PRKX: variants seen among roughly 807,000 people sequenced by gnomAD.
PRKX encodes the protein protein kinase cAMP-dependent X-linked catalytic subunit, also known as cAMP-dependent protein kinase catalytic subunit PRKX.
In PRKX, 12 loss-of-function variants were observed where a neutral mutation model predicts 22.0. The ratio of observed to expected loss-of-function variants is 0.54; its 90% CI spans 0.35 to 0.88. The LOEUF (loss-of-function observed/expected upper bound fraction) is 0.88. Ranked by LOEUF, PRKX falls within the 40% of genes least tolerant of loss-of-function variation. PRKX has a pLI of 0.01. For synonymous variants in PRKX, 134 were observed against 137.7 expected, an observed-to-expected ratio of 0.97 and a Z score of 0.19; for missense variants, 217 against 308.0, an observed-to-expected ratio of 0.70 and a Z score of 2.21.
Position 3,665,785 on chromosome X carries a change from G to A in PRKX, c.335+8813C>T, listed in dbSNP as rs372849884. Among the ~76,000 whole-genome samples the A allele has an allele frequency of 7.2e-5, 8 of 110,712 alleles. No homozygotes were observed. In the East Asian group the frequency reaches 1.4e-3, roughly 20 times the overall value. On this transcript the variant is annotated intron_variant, in intron 2 of 8. Transcript: ENST00000262848. ...ATGCCGTATGATTCTGCCTATATAA[G>A]GCTCCTAGAATCACCAAATTCATAG...
rs34465309 is a variant in PRKX, at chrX:3,680,130, C to CTGTTGT, written c.167-5370_167-5365dup. ...AACTCACACACAAACACATCCTGGC[C>CTGTTGT]TGTTGTTGTTGTTGTTGTTGTTGTT... On this transcript the variant is annotated intron_variant, in intron 1 of 8. Coordinates refer to ENST00000262848, the MANE Select transcript of PRKX (RefSeq NM_005044.5). Among the ~76,000 whole-genome samples the CTGTTGT allele has an allele frequency of 3.8e-3, 409 of 107,921 alleles. 1 individual carries two copies. The highest frequency in any genetic ancestry group is 9.9e-3 in the African/African-American group (288 of 29,081). 93.7% of individuals were successfully genotyped at this position (107,921 alleles called of 115,157 possible). A position where few individuals can be genotyped will look rare whatever the true frequency, so the allele number is the denominator to read the frequency against.
At position 3,700,749 on chromosome X, in the gene PRKX, T is replaced by TTTG. The variant is rs3073363; in HGVS notation, c.166+12336_166+12338dup. On this transcript the variant is annotated intron_variant, in intron 1 of 8. Transcript: ENST00000262848. The stretch of plus-strand genomic sequence containing the variant: ...ACGTGCCACCACGCCCAGCTAATTG[T>TTTG]TTGTTGTTGTTGTTGTTGTTGTTTG... Among the ~76,000 whole-genome samples, 893 of 105,501 alleles carry TTTG rather than the reference T, an allele frequency of 8.5e-3. 7 individuals carry two copies. Among genetic ancestry groups the TTTG allele is most frequent in the Middle Eastern group, 0.014 (3 of 208 alleles). The allele number at this position is 105,501 out of a possible 115,157, so 91.6% of individuals were successfully genotyped here. A position where few individuals can be genotyped will look rare whatever the true frequency, so the allele number is the denominator to read the frequency against.
intron 1 of PRKX, among the ~76,000 whole-genome samples, chrX:3,691,234 G>A (rs147862353): frequency 2.1e-4 from 23 of 111,274 alleles, no homozygotes; most frequent in Non-Finnish European, 3.2e-4. Flanking sequence ...TTGTTACACC[G>A]TACGTCTTAC....
At chrX:3,711,852 G>A (rs1419364490) in intron 1 of PRKX, among the ~76,000 whole-genome samples, 1 of 109,888 alleles carries the variant, frequency 9.1e-6, no homozygotes, top group Non-Finnish European at 1.9e-5. Context: ...AACAGAGACA[G>A]AAAGAGGGAG....
intron 3 of PRKX, among the ~76,000 whole-genome samples, chrX:3,643,636 A>C (rs1927129744): frequency 1.8e-5 from 2 of 111,118 alleles, no homozygotes; most frequent in South Asian, 3.8e-4. Context: ...AGGCAGAAAG[A>C]AGCAACACCC....
chrX:3,638,281 A>G (rs1317236695), intron 4 of PRKX, among the ~76,000 whole-genome samples: 1 of 74,057 alleles, frequency 1.4e-5, no homozygotes, highest in Non-Finnish European at 2.9e-5. Flanking sequence ...CCTGAGACTA[A>G]TATTGTTTTA....
chrX:3,624,666 C>G (rs1926625053), intron 5 of PRKX, among the ~76,000 whole-genome samples: 1 of 110,589 alleles, frequency 9.0e-6, no homozygotes, highest in African/African-American at 3.3e-5. Flanking sequence ...TTCATCCAGT[C>G]TGGAGTGCAG....
intron 4 of PRKX, among the ~76,000 whole-genome samples, chrX:3,638,128 G>A (rs1229944059): frequency 1.8e-5 from 2 of 111,024 alleles, no homozygotes; most frequent in Non-Finnish European, 3.8e-5. Context: ...CTATTCTATT[G>A]TATTCTAATA....
At chrX:3,635,802 G>A (rs1926875674) in intron 4 of PRKX, among the ~76,000 whole-genome samples, 1 of 111,223 alleles carries the variant, frequency 9.0e-6, no homozygotes, top group African/African-American at 3.3e-5. Context: ...TGTTGCCCAG[G>A]CTGGTCTTGA....
Position 3,700,533 on chromosome X carries a change from TTC to T in PRKX, c.166+12553_166+12554del, listed in dbSNP as rs112715085. The stretch of plus-strand genomic sequence containing the variant: ...CGTTACTGATTTTTTTTCTATGTTT[TTC>T]TTTTACTTTTTTCTTCTCTTTTTTT... On this transcript the variant is annotated intron_variant, in intron 1 of 8. Coordinates refer to ENST00000262848, the MANE Select transcript of PRKX (RefSeq NM_005044.5). Among the ~76,000 whole-genome samples the T allele has an allele frequency of 4.2e-3, 471 of 111,597 alleles. 7 individuals carry two copies. The highest frequency in any genetic ancestry group is 0.015 in the African/African-American group (445 of 30,657).
chrX:3,683,036 C>T (rs1441566882), intron 1 of PRKX, among the ~76,000 whole-genome samples: 14 of 104,732 alleles, frequency 1.3e-4, no homozygotes, highest in East Asian at 3.2e-4. Flanking sequence ...TCAGGGACGC[C>T]TGGAGCCCCC....
chrX:3,699,043 ATTTT>A (rs1162048420), intron 1 of PRKX, among the ~76,000 whole-genome samples: 2 of 60,844 alleles, frequency 3.3e-5, no homozygotes, highest in African/African-American at 1.3e-4. Context: ...TTTTTATTTT[ATTTT>A]TTTTTTTGAG....
At chrX:3,633,071 A>T (rs751990576) in intron 4 of PRKX, among the ~76,000 whole-genome samples, 326 of 110,206 alleles carry the variant, frequency 3.0e-3, no homozygotes, top group African/African-American at 0.01. Context: ...TTTAAAAATT[A>T]TCTGGACGTG....
Position 3,674,747 on chromosome X carries a change from C to G in PRKX, c.186G>C (p.Arg62=). 8.3e-7 allele frequency: 1 copy of G among 1,210,990 alleles called. No homozygotes were observed. The highest frequency in any genetic ancestry group is 1.1e-6 in the Non-Finnish European group (1 of 894,799). Reference sequence around the variant, plus strand: ...CTGTCTTCTCCTTCACCAGGTGCACCCGCCCGAACGTCCCAGTGCCTGGAG... The same window carrying G: ...CTGTCTTCTCCTTCACCAGGTGCACGCGCCCGAACGTCCCAGTGCCTGGAG... ...LATVGTGTFG[R]VHLVKEKTAK... Residue 62 remains arginine (R), a synonymous_variant, in exon 2 of 9, where the codon CGG becomes CGC. Coordinates refer to ENST00000262848, the MANE Select transcript of PRKX (RefSeq NM_005044.5).
chrX:3,686,447 G>A (rs1928180878), intron 1 of PRKX, among the ~76,000 whole-genome samples: 1 of 107,114 alleles, frequency 9.3e-6, no homozygotes. Context: ...CTGTTGCCCA[G>A]GCTGGTCTTG....
chrX:3,712,274 G>A (rs893092727), intron 1 of PRKX, among the ~76,000 whole-genome samples: 14 of 111,310 alleles, frequency 1.3e-4, no homozygotes, highest in Admixed American at 9.5e-5. Flanking sequence ...GAGTCCCTAA[G>A]TGGCACAGGC....
chrX:3,622,365 A>G (rs1195091154), intron 5 of PRKX, among the ~76,000 whole-genome samples: 1 of 110,687 alleles, frequency 9.0e-6, no homozygotes, highest in Non-Finnish European at 1.9e-5. Flanking sequence ...ATATAATAAT[A>G]TAATATATTG....
chrX:3,643,638 G>C (rs1252785635), intron 3 of PRKX, among the ~76,000 whole-genome samples: 1 of 110,865 alleles, frequency 9.0e-6, no homozygotes, highest in East Asian at 2.8e-4. Context: ...GCAGAAAGAA[G>C]CAACACCCTC....
chrX:3,666,778 C>T (rs778244984), intron 2 of PRKX, among the ~76,000 whole-genome samples: 6 of 107,961 alleles, frequency 5.6e-5, no homozygotes, highest in Admixed American at 1.0e-4. Flanking sequence ...CGTGGTAGTG[C>T]GCACCTGTAG....
Sources: gnomAD v4.1 joint callset for allele counts (sites outside exome capture counted in the v4.1 genomes callset) on GRCh38, gnomAD v4.1.1 for gene constraint, MANE v1.5 for transcripts, NCBI Gene and HGNC (gene_info 2026-07-23, HGNC 2026-07-21) for gene names.